The following TUSC3 variants were observed in gnomAD, a reference collection of about 807,000 sequenced individuals.
TUSC3 encodes dolichyl-diphosphooligosaccharide--protein glycosyltransferase subunit TUSC3.
Under a neutral mutation model 44.8 loss-of-function variants are expected in TUSC3, and 45 were observed. The ratio of observed to expected loss-of-function variants is 1.00; its 90% CI spans 0.79 to 1.29. The LOEUF (loss-of-function observed/expected upper bound fraction) is 1.29. TUSC3 is among the 50% of genes most tolerant of loss of function. TUSC3 has a pLI of 0.00. For missense variants in TUSC3, 519 were observed against 437.9 expected, an observed-to-expected ratio of 1.19 and a Z score of -1.65; for synonymous variants, 212 against 152.9, an observed-to-expected ratio of 1.39 and a Z score of -2.85.
the TUSC3 span, among the ~76,000 whole-genome samples, chr8:15,822,126 G>T: frequency 7.9e-5 from 12 of 152,098 alleles, no homozygotes; most frequent in African/African-American, 2.9e-4. Flanking sequence ...TAAAATTTTG[G>T]CTTGAGCAAT....
intron 1 of TUSC3, among the ~76,000 whole-genome samples, chr8:15,436,656 G>T (rs899787301): frequency 2.0e-5 from 3 of 151,836 alleles, no homozygotes; most frequent in Admixed American, 1.3e-4. Context: ...GTATATAAAA[G>T]AACAATAAGT....
intron 1 of TUSC3, among the ~76,000 whole-genome samples, chr8:15,468,450 C>T (rs1389920624): frequency 6.6e-6 from 1 of 152,142 alleles, no homozygotes; most frequent in African/African-American, 2.4e-5. Flanking sequence ...AGGGTACCAT[C>T]TCTGCTTATG....
intron 5 of TUSC3, among the ~76,000 whole-genome samples, chr8:15,669,877 C>T (rs1807865649): frequency 6.6e-6 from 1 of 151,362 alleles, no homozygotes; most frequent in African/African-American, 2.4e-5. Flanking sequence ...AATAAAATTG[C>T]CCTCCTTAGC....
rs555518391 is a variant in TUSC3 at position 15,576,114 on chromosome 8, T to C, written c.138+35546T>C. ...TTTAATTTTTCTAATTAATGATCTC[T>C]TGTTAAAGCAATGAATCAGAGTTTT... On this transcript the variant is annotated intron_variant, in intron 1 of 10. Coordinates refer to ENST00000503731, the MANE Select transcript of TUSC3 (RefSeq NM_006765.4). 2.4e-4 allele frequency among the ~76,000 whole-genome samples: 37 copies of C among 151,924 alleles called. No homozygotes were observed. In the South Asian group the frequency reaches 6.9e-3, roughly 28 times the overall value.
At chr8:15,555,059 G>T (rs991745928) in intron 1 of TUSC3, among the ~76,000 whole-genome samples, 1 of 150,394 alleles carries the variant, frequency 6.6e-6, no homozygotes, top group Non-Finnish European at 1.5e-5. Flanking sequence ...GAGAATGTAA[G>T]GAATTGGTTG....
At position 15,594,063 on chromosome 8, in the gene TUSC3, A is replaced by G. The variant is rs185366857; in HGVS notation, c.139-29017A>G. On this transcript the variant is annotated intron_variant, in intron 1 of 10. Coordinates refer to ENST00000503731, the MANE Select transcript of TUSC3 (RefSeq NM_006765.4). ...TCTCCCCAACTTGTATACTACTTGTATACCCTTTCTCCCAGACTTGTATAT... is the reference window on the plus strand; with the variant it reads ...TCTCCCCAACTTGTATACTACTTGTGTACCCTTTCTCCCAGACTTGTATAT... Among the ~76,000 whole-genome samples, 66 of 152,332 alleles carry G rather than the reference A, an allele frequency of 4.3e-4. No homozygotes were observed. The East Asian group carries it at 0.012, about 27-fold the overall frequency.
At chr8:15,469,199 A>G (rs1325668719) in intron 1 of TUSC3, among the ~76,000 whole-genome samples, 1 of 152,242 alleles carries the variant, frequency 6.6e-6, no homozygotes, top group East Asian at 1.9e-4. Flanking sequence ...TCTCTGTGAA[A>G]GACACTGTCT....
At chr8:15,658,769 A>C (rs1452836599) in intron 3 of TUSC3, among the ~76,000 whole-genome samples, 1 of 151,858 alleles carries the variant, frequency 6.6e-6, no homozygotes, top group Non-Finnish European at 1.5e-5. Context: ...AACCTAATAT[A>C]TGTTTTTAGA....
chr8:15,610,906 G>A (rs1385116016), intron 1 of TUSC3, among the ~76,000 whole-genome samples: 2 of 152,148 alleles, frequency 1.3e-5, no homozygotes, highest in Admixed American at 6.5e-5. Flanking sequence ...CAGGTTGATA[G>A]ACACATAACT....
chr8:15,822,522 G>C, the TUSC3 span, among the ~76,000 whole-genome samples: 2 of 152,086 alleles, frequency 1.3e-5, no homozygotes, highest in Non-Finnish European at 2.9e-5. Flanking sequence ...TGTATTTCTT[G>C]CAAGTTTCCA....
intron 6 of TUSC3, among the ~76,000 whole-genome samples, chr8:15,711,484 G>A (rs926361029): frequency 4.7e-5 from 7 of 149,994 alleles, no homozygotes; most frequent in Admixed American, 4.0e-4. Context: ...GTGTGTGTGT[G>A]TGTGTGTGTG....
intron 6 of TUSC3, among the ~76,000 whole-genome samples, chr8:15,714,396 C>T (rs894794727): frequency 1.3e-5 from 2 of 152,088 alleles, no homozygotes; most frequent in East Asian, 3.8e-4. Flanking sequence ...GACATCTCAT[C>T]GCTATTTCCA....
At chr8:15,717,963 G>C (rs937312199) in intron 6 of TUSC3, among the ~76,000 whole-genome samples, 1 of 152,034 alleles carries the variant, frequency 6.6e-6, no homozygotes, top group Non-Finnish European at 1.5e-5. Flanking sequence ...TATATACTAT[G>C]TTTCCTTTTG....
intron 5 of TUSC3, 46 bp from the exon 6 acceptor site, chr8:15,673,701 G>C: frequency 7.2e-7 from 1 of 1,384,136 alleles, no homozygotes; most frequent in South Asian, 1.2e-5. Context: ...GCATTATTCT[G>C]GTATTCTCTG....
At chr8:15,825,885 C>A in the TUSC3 span, among the ~76,000 whole-genome samples, 5 of 120,378 alleles carry the variant, frequency 4.2e-5, no homozygotes, top group South Asian at 2.8e-4. Context: ...ACAGTTGTTT[C>A]TTTTTTTTTT....
the TUSC3 span, among the ~76,000 whole-genome samples, chr8:15,795,694 C>T: frequency 1.3e-5 from 2 of 152,208 alleles, no homozygotes; most frequent in African/African-American, 2.4e-5. Flanking sequence ...TGTTTACATT[C>T]GTTGGAGTGC....
chr8:15,543,325 T>G (rs910332095), intron 1 of TUSC3, among the ~76,000 whole-genome samples: 2 of 152,116 alleles, frequency 1.3e-5, no homozygotes, highest in Non-Finnish European at 2.9e-5. Flanking sequence ...CAAACTGAAG[T>G]CTTAAGTTGA....
chr8:15,812,353 T>A, the TUSC3 span, among the ~76,000 whole-genome samples: 14 of 152,192 alleles, frequency 9.2e-5, no homozygotes, highest in African/African-American at 3.4e-4. Context: ...TCTATGGGAG[T>A]CAAAATATGA....
chr8:15,842,000 A>T, the TUSC3 span, among the ~76,000 whole-genome samples: 5 of 152,228 alleles, frequency 3.3e-5, no homozygotes, highest in Non-Finnish European at 7.3e-5. Flanking sequence ...TGAATTAAAC[A>T]TAACCTATAT....
Sources: gnomAD v4.1 joint callset for allele counts (sites outside exome capture counted in the v4.1 genomes callset) on GRCh38, gnomAD v4.1.1 for gene constraint, MANE v1.5 for transcripts, NCBI Gene and HGNC (gene_info 2026-07-23, HGNC 2026-07-21) for gene names.